The following FARS2 variants were observed in gnomAD, a reference collection of about 807,000 sequenced individuals.
FARS2 encodes the protein phenylalanyl-tRNA synthetase 2, mitochondrial.
In FARS2, 40 loss-of-function variants were observed where a neutral mutation model predicts 46.4. The observed-to-expected ratio is 0.86, with a 90% confidence interval of 0.67 to 1.12. The LOEUF (loss-of-function observed/expected upper bound fraction) is 1.12. Among genes scored for constraint, FARS2 ranks in the 50% most tolerant of loss-of-function variants. The pLI is 0.00. For synonymous variants in FARS2, 234 were observed against 214.9 expected (o/e 1.09, Z -0.78); for missense variants, 513 against 567.9 (o/e 0.90, Z 0.98).
intron 2 of FARS2, among the ~76,000 whole-genome samples, chr6:5,402,630 AT>A (rs1410115936): frequency 6.6e-6 from 1 of 151,976 alleles, no homozygotes; most frequent in Non-Finnish European, 1.5e-5. Context: ...AAATCCTCTA[AT>A]TTTTTAGCTG....
intron 1 of FARS2, among the ~76,000 whole-genome samples, chr6:5,341,411 T>C (rs536956163): frequency 6.7e-6 from 1 of 149,802 alleles, no homozygotes; most frequent in Non-Finnish European, 1.5e-5. Flanking sequence ...ATCGTCTATG[T>C]ATTTGCGATA....
intron 1 of FARS2, among the ~76,000 whole-genome samples, chr6:5,346,934 G>T (rs1244468286): frequency 6.8e-6 from 1 of 146,468 alleles, no homozygotes; most frequent in Non-Finnish European, 1.5e-5. Flanking sequence ...TTTTAATTGA[G>T]ATGGAGCCTC....
chr6:5,407,056 T>TATATATATATATATATATATATATAC (rs1562017881), intron 3 of FARS2, among the ~76,000 whole-genome samples: 1 of 138,450 alleles, frequency 7.2e-6, no homozygotes, highest in East Asian at 2.2e-4. Context: ...TATATATATA[T>TATATATATATATATATATATATATAC]ATATATATAT....
chr6:5,635,226 GA>G (rs768553951), intron 6 of FARS2, among the ~76,000 whole-genome samples: 3 of 152,180 alleles, frequency 2.0e-5, no homozygotes, highest in Non-Finnish European at 4.4e-5. Context: ...TTTCCTCTGG[GA>G]AAAACTAATT....
At position 5,311,972 on chromosome 6, in the gene FARS2, CGTA is replaced by C. The variant is rs1437565593; in HGVS notation, c.-22+50314_-22+50316del. Among the ~76,000 whole-genome samples, 1 of 152,106 alleles carries C rather than the reference CGTA, an allele frequency of 6.6e-6. No individual in the cohort carries two copies. On this transcript the variant is annotated intron_variant, in intron 1 of 6. Coordinates refer to ENST00000274680, the MANE Select transcript of FARS2 (RefSeq NM_006567.5). This position sits in a 1 kb window ranked among gnomAD's most constrained non-coding sequence, Gnocchi z 4.1. ...TTAGTTTAAATAACTTTCCGTGCAT[CGTA>C]GAATCTTCGGTGTGTTGAAGGGTTT...
chr6:5,594,066 T>G (rs977308684), intron 5 of FARS2, among the ~76,000 whole-genome samples: 13 of 152,338 alleles, frequency 8.5e-5, no homozygotes, highest in Non-Finnish European at 1.8e-4. Context: ...AGTTCTCTTC[T>G]GACATCGCTG....
chr6:5,300,856 A>T (rs7453030), intron 1 of FARS2, among the ~76,000 whole-genome samples: 5,481 of 151,500 alleles, frequency 0.036, 125 homozygotes, highest in Middle Eastern at 0.068. Context: ...TATTTAAAAA[A>T]TTTTTTTTTG....
At chr6:5,738,786 G>A (rs985912172) in intron 6 of FARS2, among the ~76,000 whole-genome samples, 1 of 147,562 alleles carries the variant, frequency 6.8e-6, no homozygotes, top group African/African-American at 2.5e-5. Context: ...AAAAAAAAAT[G>A]CAGTTTCAAG....
At chr6:5,688,776 G>C (rs1283039267) in intron 6 of FARS2, among the ~76,000 whole-genome samples, 1 of 152,214 alleles carries the variant, frequency 6.6e-6, no homozygotes, top group African/African-American at 2.4e-5. Flanking sequence ...AACAGGAATG[G>C]TACCAGCTCC....
Position 5,521,867 on chromosome 6 carries a change from C to T in FARS2, c.905-23313C>T, listed in dbSNP as rs756609516. On this transcript the variant is annotated intron_variant, in intron 4 of 6. Coordinates refer to ENST00000274680, the MANE Select transcript of FARS2 (RefSeq NM_006567.5). ...TTCTTTATAACTGTTTATAAGTGGT[C>T]GAGTCTCTGCAAAGCTCCTCCTCTA... is the stretch of plus-strand genomic sequence containing the variant. Among the ~76,000 whole-genome samples the T allele has an allele frequency of 5.3e-5, 8 of 152,134 alleles. No individual in the cohort carries two copies. The South Asian group carries it at 1.3e-3, about 24-fold the overall frequency.
intron 6 of FARS2, among the ~76,000 whole-genome samples, chr6:5,685,094 G>A (rs1757088660): frequency 6.6e-6 from 1 of 152,248 alleles, no homozygotes; most frequent in East Asian, 1.9e-4. Context: ...GAGGCAGGAG[G>A]CTCTTCACAG....
At chr6:5,408,814 T>TA (rs1294381489) in intron 3 of FARS2, among the ~76,000 whole-genome samples, 33 of 152,292 alleles carry the variant, frequency 2.2e-4, no homozygotes, top group African/African-American at 7.5e-4. Context: ...GCCTTTATCA[T>TA]GTCTGAGGGA....
intron 4 of FARS2, among the ~76,000 whole-genome samples, chr6:5,488,864 C>T (rs1462436553): frequency 6.6e-6 from 1 of 152,078 alleles, no homozygotes; most frequent in East Asian, 1.9e-4. Flanking sequence ...GTTTCTTTTT[C>T]AGGTGTTCGG....
At chr6:5,733,997 T>A (rs914520913) in intron 6 of FARS2, among the ~76,000 whole-genome samples, 5 of 152,228 alleles carry the variant, frequency 3.3e-5, no homozygotes, top group African/African-American at 1.2e-4. Context: ...ATACCTGCTA[T>A]TATAATCACC....
chr6:5,629,930 G>T (rs893035894), intron 6 of FARS2, among the ~76,000 whole-genome samples: 1 of 152,192 alleles, frequency 6.6e-6, no homozygotes, highest in Admixed American at 6.5e-5. Flanking sequence ...GAGTTTGGTG[G>T]TTGGAATGGA....
intron 5 of FARS2, among the ~76,000 whole-genome samples, chr6:5,605,878 A>G (rs184493790): frequency 6.6e-6 from 1 of 152,380 alleles, no homozygotes; most frequent in East Asian, 1.9e-4. Context: ...GAAAAAAATT[A>G]GAATCTCAGA....
At chr6:5,355,687 A>G (rs1433021009) in intron 1 of FARS2, among the ~76,000 whole-genome samples, 1 of 152,012 alleles carries the variant, frequency 6.6e-6, no homozygotes, top group African/African-American at 2.4e-5. Context: ...TTTTCTGAGC[A>G]GTGGTCATAA....
intron 5 of FARS2, among the ~76,000 whole-genome samples, chr6:5,573,436 G>A (rs1402686331): frequency 2.0e-5 from 3 of 152,194 alleles, no homozygotes; most frequent in African/African-American, 7.2e-5. Context: ...AGACACGTGT[G>A]TGTATAATTT....
intron 5 of FARS2, among the ~76,000 whole-genome samples, chr6:5,594,347 T>C (rs1774083345): frequency 6.6e-6 from 1 of 152,218 alleles, no homozygotes; most frequent in African/African-American, 2.4e-5. Context: ...GAATTGGTTT[T>C]TCTGTGTTTT....
Sources: gnomAD v4.1 joint callset for allele counts (sites outside exome capture counted in the v4.1 genomes callset) on GRCh38, gnomAD v4.1.1 for gene constraint, Gnocchi (gnomAD v3.1) non-coding constraint, MANE v1.5 for transcripts, NCBI Gene and HGNC (gene_info 2026-07-23, HGNC 2026-07-21) for gene names.